The following KCTD16 variants were observed in gnomAD, a reference collection of about 807,000 sequenced individuals.
The protein encoded by KCTD16 is potassium channel tetramerization domain containing 16.
A neutral mutation model predicts 33.2 loss-of-function variants in KCTD16; 13 were observed. The ratio of observed to expected loss-of-function variants is 0.39; its 90% CI spans 0.25 to 0.62. The LOEUF is 0.62. Ranked by LOEUF, KCTD16 falls within the 20% of genes least tolerant of loss-of-function variation. The pLI is 0.50. For missense variants in KCTD16, 441 were observed against 525.1 expected (o/e 0.84, Z 1.57); for synonymous variants, 197 against 195.3 (o/e 1.01, Z -0.07).
intron 3 of KCTD16, among the ~76,000 whole-genome samples, chr5:144,272,348 T>G (rs1027279376): frequency 3.3e-5 from 5 of 152,116 alleles, no homozygotes; most frequent in African/African-American, 9.7e-5. Context: ...GGGAATCACT[T>G]GAACCCAGGA....
intron 3 of KCTD16, among the ~76,000 whole-genome samples, chr5:144,436,383 T>C (rs749312285): frequency 6.6e-6 from 1 of 152,148 alleles, no homozygotes; most frequent in Non-Finnish European, 1.5e-5. Context: ...CACTGTTCAC[T>C]TTATTTTAAC....
At chr5:144,411,641 A>G (rs1462642142) in intron 3 of KCTD16, among the ~76,000 whole-genome samples, 1 of 152,214 alleles carries the variant, frequency 6.6e-6, no homozygotes, top group African/African-American at 2.4e-5. Flanking sequence ...TTTTTTGGAT[A>G]GTACCTCAAA....
At chr5:144,350,179 C>T (rs1287812703) in intron 3 of KCTD16, among the ~76,000 whole-genome samples, 1 of 152,068 alleles carries the variant, frequency 6.6e-6, no homozygotes, top group Non-Finnish European at 1.5e-5. Context: ...ATTAAGAAAG[C>T]CCTGAGTGGA....
intron 2 of KCTD16, among the ~76,000 whole-genome samples, chr5:144,189,338 G>A (rs760097098): frequency 8.6e-5 from 13 of 151,836 alleles, no homozygotes; most frequent in Admixed American, 2.0e-4. Flanking sequence ...TAAAAATACA[G>A]TAACAAAATT....
intron 3 of KCTD16, among the ~76,000 whole-genome samples, chr5:144,299,146 A>T (rs1277747912): frequency 0.012 from 126 of 10,274 alleles, 8 homozygotes; most frequent in African/African-American, 0.029. Context: ...ATATATATAT[A>T]TATTTTTTTT....
At chr5:144,311,394 A>G (rs965921098) in intron 3 of KCTD16, among the ~76,000 whole-genome samples, 19 of 152,210 alleles carry the variant, frequency 1.2e-4, no homozygotes, top group Admixed American at 1.2e-3. Flanking sequence ...CAGTGAAAGG[A>G]TAATTATTAT....
At chr5:144,406,556 C>A (rs895913038) in intron 3 of KCTD16, among the ~76,000 whole-genome samples, 1 of 152,152 alleles carries the variant, frequency 6.6e-6, no homozygotes, top group Non-Finnish European at 1.5e-5. Flanking sequence ...AGATTTTCCC[C>A]TTCCTTATTA....
chr5:144,257,940 A>G (rs960781033), intron 3 of KCTD16, among the ~76,000 whole-genome samples: 2 of 152,156 alleles, frequency 1.3e-5, no homozygotes, highest in African/African-American at 2.4e-5. Context: ...AGCTTTTTCG[A>G]TAAGTTATAA....
chr5:144,183,143 G>A (rs1408985314), intron 2 of KCTD16, among the ~76,000 whole-genome samples: 1 of 151,986 alleles, frequency 6.6e-6, no homozygotes, highest in Non-Finnish European at 1.5e-5. Flanking sequence ...GTAAGTAAAG[G>A]GCTACTTCAG....
chr5:144,355,054 A>G (rs1751541528), intron 3 of KCTD16, among the ~76,000 whole-genome samples: 1 of 152,166 alleles, frequency 6.6e-6, no homozygotes, highest in African/African-American at 2.4e-5. Flanking sequence ...ACCTAATTTT[A>G]CAAATGGAGG....
At chr5:144,387,136 TAA>T (rs1491497364) in intron 3 of KCTD16, among the ~76,000 whole-genome samples, 1 of 110,916 alleles carries the variant, frequency 9.0e-6, no homozygotes, top group Non-Finnish European at 1.8e-5. Context: ...CAGGCTAATT[TAA>T]TTTTTTTTTT....
intron 3 of KCTD16, among the ~76,000 whole-genome samples, chr5:144,421,441 T>C (rs1561602408): frequency 6.6e-6 from 1 of 152,182 alleles, no homozygotes; most frequent in South Asian, 2.1e-4. Flanking sequence ...CTGCGGCACA[T>C]TGGATAAAGG....
intron 3 of KCTD16, among the ~76,000 whole-genome samples, chr5:144,380,196 A>G (rs1305598926): frequency 6.6e-6 from 1 of 152,148 alleles, no homozygotes. Context: ...TACACCAATA[A>G]TGTCCAAGCT....
intron 3 of KCTD16, among the ~76,000 whole-genome samples, chr5:144,212,275 T>C (rs1178389606): frequency 1.3e-5 from 2 of 152,144 alleles, no homozygotes; most frequent in Non-Finnish European, 1.5e-5. Context: ...AGCATGTTAG[T>C]GAAGTATTTT....
intron 3 of KCTD16, among the ~76,000 whole-genome samples, chr5:144,451,307 A>G (rs1285565177): frequency 6.6e-6 from 1 of 152,068 alleles, no homozygotes; most frequent in Non-Finnish European, 1.5e-5. Context: ...TTTATTCTCA[A>G]TCTTATACCT....
At chr5:144,395,690 C>T (rs548351596) in intron 3 of KCTD16, among the ~76,000 whole-genome samples, 20 of 152,268 alleles carry the variant, frequency 1.3e-4, no homozygotes, top group African/African-American at 2.4e-4. Context: ...CCCAGGTAGT[C>T]GTTTTGGGGA....
At chr5:144,193,691 CAT>C (rs1304156467) in intron 2 of KCTD16, among the ~76,000 whole-genome samples, 3 of 152,138 alleles carry the variant, frequency 2.0e-5, no homozygotes, top group African/African-American at 7.2e-5. Context: ...ATCCCCAACA[CAT>C]AGAGCTTATA....
chr5:144,442,303 T>C (rs1753728907), intron 3 of KCTD16, among the ~76,000 whole-genome samples: 1 of 152,116 alleles, frequency 6.6e-6, no homozygotes, highest in Non-Finnish European at 1.5e-5. Context: ...AAATCTTTTC[T>C]CTTATTGCTT....
intron 3 of KCTD16, among the ~76,000 whole-genome samples, chr5:144,470,967 G>A (rs1463368848): frequency 6.6e-6 from 1 of 152,152 alleles, no homozygotes; most frequent in African/African-American, 2.4e-5. Context: ...GATCACTTGA[G>A]GTCAGGAGTT....
Sources: gnomAD v4.1 joint callset for allele counts (sites outside exome capture counted in the v4.1 genomes callset) on GRCh38, gnomAD v4.1.1 for gene constraint, MANE v1.5 for transcripts, NCBI Gene and HGNC (gene_info 2026-07-23, HGNC 2026-07-21) for gene names.